The following SYN2 variants were observed in gnomAD, a reference collection of about 807,000 sequenced individuals.
SYN2 encodes synapsin II, also known as synapsin-2.
In SYN2, 19 loss-of-function variants were observed where a neutral mutation model predicts 50.9. The ratio of observed to expected loss-of-function variants is 0.37; its 90% confidence interval spans 0.26 to 0.55. The LOEUF (loss-of-function observed/expected upper bound fraction) is 0.55. Among genes scored for constraint, SYN2 ranks in the 20% least tolerant of loss-of-function variants. The pLI, the probability that SYN2 is intolerant of heterozygous loss-of-function variation, is 0.81. For synonymous variants in SYN2, 255 were observed against 224.9 expected, an observed-to-expected ratio of 1.13 and a Z score of -1.20; for missense variants, 587 against 576.4, an observed-to-expected ratio of 1.02 and a Z score of -0.19.
intron 5 of SYN2, chr3:12,156,716 C>T (rs1697467447): frequency 4.7e-6 from 4 of 850,820 alleles, no homozygotes; most frequent in Non-Finnish European, 5.6e-6. Context: ...GAAAATGCCA[C>T]CTGGCTCAGC....
intron 11 of SYN2, chr3:12,185,007 C>T: frequency 1.0e-6 from 1 of 985,796 alleles, no homozygotes; most frequent in South Asian, 4.7e-5. Context: ...AGTTACGTAT[C>T]CAGGGGCTTG....
intron 1 of SYN2, among the ~76,000 whole-genome samples, chr3:12,135,351 A>C (rs186926171): frequency 6.6e-6 from 1 of 152,228 alleles, no homozygotes; most frequent in Admixed American, 6.5e-5. Flanking sequence ...TGAAGCCTTC[A>C]GATGTTTGGT....
At chr3:12,007,944 TTATC>T (rs1433389049) in intron 1 of SYN2, among the ~76,000 whole-genome samples, 2 of 152,204 alleles carry the variant, frequency 1.3e-5, no homozygotes, top group African/African-American at 4.8e-5. Context: ...GTTGAAAAAT[TTATC>T]TGTGCCATTA....
chr3:12,012,949 T>C (rs536912592), intron 1 of SYN2, among the ~76,000 whole-genome samples: 39 of 152,324 alleles, frequency 2.6e-4, no homozygotes, highest in African/African-American at 8.9e-4. Flanking sequence ...TATCCAGTTA[T>C]TTGCCCTTTT....
intron 1 of SYN2, among the ~76,000 whole-genome samples, chr3:12,045,224 T>G (rs887911974): frequency 6.6e-6 from 1 of 152,204 alleles, no homozygotes; most frequent in Admixed American, 6.5e-5. Flanking sequence ...TTTTGGTGTT[T>G]TTTTTTAAAC....
chr3:12,184,490 A>G, intron 11 of SYN2: 2 of 985,812 alleles, frequency 2.0e-6, no homozygotes, highest in Non-Finnish European at 2.4e-6. Flanking sequence ...ATAATGGGAG[A>G]CCAAATCAAA....
Position 12,190,646 on chromosome 3 carries a change from C to T in SYN2, c.*21C>T. The T allele has an allele frequency of 6.2e-7, 1 of 1,606,264 alleles. No individual in the cohort carries two copies. Among genetic ancestry groups the T allele is most frequent in the Non-Finnish European group, 8.5e-7 (1 of 1,176,888 alleles). ...ATTAGCTCTTCAGACACACGGGGCA[C>T]CCAGCCCAACCGGGAAAGGCATCTA... On this transcript the variant is annotated 3_prime_UTR_variant, in exon 13 of 13. Coordinates refer to ENST00000621198, the MANE Select transcript of SYN2 (RefSeq NM_133625.6).
intron 5 of SYN2, chr3:12,159,075 G>T: frequency 1.9e-6 from 1 of 531,700 alleles, no homozygotes; most frequent in South Asian, 3.4e-5. Context: ...CTGGAAGGAG[G>T]CCCTGACCTC....
chr3:12,177,286 C>G (rs1235745645), intron 10 of SYN2, among the ~76,000 whole-genome samples: 1 of 152,206 alleles, frequency 6.6e-6, no homozygotes, highest in East Asian at 1.9e-4. Flanking sequence ...AACACAAATT[C>G]ATAAACTTCC....
intron 1 of SYN2, among the ~76,000 whole-genome samples, chr3:12,048,085 T>C (rs1202706050): frequency 2.6e-5 from 4 of 152,208 alleles, no homozygotes; most frequent in Non-Finnish European, 5.9e-5. Context: ...TCTGTAACCC[T>C]AAGTGAAAGA....
rs1488071915 is a variant in SYN2, at chr3:12,009,998, G to A, written c.377+5070G>A. Among the ~76,000 whole-genome samples, 3 of 152,166 alleles carry A rather than the reference G, an allele frequency of 2.0e-5. No homozygotes were observed. In the East Asian group the frequency reaches 5.8e-4, roughly 29 times the overall value. ...TAGTCCCAGCTATTCGGGAGACTGA[G>A]GCAGGAGAATTTCTTGAACCCGAGA... is the stretch of plus-strand genomic sequence containing the variant. On this transcript the variant is annotated intron_variant, in intron 1 of 12. Coordinates refer to ENST00000621198, the MANE Select transcript of SYN2 (RefSeq NM_133625.6).
chr3:12,041,785 T>A (rs552185689), intron 1 of SYN2, among the ~76,000 whole-genome samples: 1 of 152,262 alleles, frequency 6.6e-6, no homozygotes, highest in Non-Finnish European at 1.5e-5. Context: ...TGTTTAGCTT[T>A]GAAATTTGTT....
intron 1 of SYN2, among the ~76,000 whole-genome samples, chr3:12,045,450 T>A (rs1332849497): frequency 6.6e-6 from 1 of 152,216 alleles, no homozygotes; most frequent in East Asian, 1.9e-4. Context: ...CTGGGTTAAA[T>A]AAGTAAATGT....
chr3:12,138,537 T>C (rs186944134), intron 1 of SYN2, among the ~76,000 whole-genome samples: 1 of 152,334 alleles, frequency 6.6e-6, no homozygotes, highest in East Asian at 1.9e-4. Flanking sequence ...AGTTCTAGCC[T>C]TAACTCCCAT....
At chr3:12,135,669 A>AG (rs1418419222) in intron 1 of SYN2, among the ~76,000 whole-genome samples, 3 of 152,184 alleles carry the variant, frequency 2.0e-5, no homozygotes, top group Non-Finnish European at 2.9e-5. Context: ...GTGGAGGAGG[A>AG]GAGGAAGGAA....
intron 1 of SYN2, among the ~76,000 whole-genome samples, chr3:12,049,800 G>A (rs1174902773): frequency 6.6e-6 from 1 of 152,212 alleles, no homozygotes. Context: ...GTGGTTGACA[G>A]ATTTGGAAAC....
At chr3:12,040,451 G>A (rs1276540769) in intron 1 of SYN2, among the ~76,000 whole-genome samples, 1 of 54,572 alleles carries the variant, frequency 1.8e-5, no homozygotes, top group South Asian at 5.0e-4. Flanking sequence ...TTTTTTTTTT[G>A]AGACGGAGTT....
intron 1 of SYN2, among the ~76,000 whole-genome samples, chr3:12,116,689 G>T (rs1183731053): frequency 1.3e-5 from 2 of 152,138 alleles, no homozygotes; most frequent in African/African-American, 4.8e-5. Flanking sequence ...TTTGGAGAGG[G>T]TTCCCCTTTG....
intron 1 of SYN2, among the ~76,000 whole-genome samples, chr3:12,063,129 G>A (rs1574917703): frequency 6.6e-6 from 1 of 151,792 alleles, no homozygotes; most frequent in East Asian, 1.9e-4. Flanking sequence ...GGGGGGTGGT[G>A]AAACTATTCT....
Sources: gnomAD v4.1 joint callset for allele counts (sites outside exome capture counted in the v4.1 genomes callset) on GRCh38, gnomAD v4.1.1 for gene constraint, MANE v1.5 for transcripts, NCBI Gene and HGNC (gene_info 2026-07-23, HGNC 2026-07-21) for gene names.